Variants in GAS2 observed in about 807,000 individuals in gnomAD.
GAS2 encodes growth arrest specific 2.
In GAS2, 20 loss-of-function variants were observed where a neutral mutation model predicts 37.5. That is an observed-to-expected ratio of 0.53 (90% CI 0.37 to 0.77). The LOEUF is 0.77. Among genes scored for constraint, GAS2 ranks in the 30% least tolerant of loss-of-function variants. The pLI, the probability that GAS2 is intolerant of heterozygous loss-of-function variation, is 0.00. For missense variants in GAS2, 336 were observed against 373.4 expected, an observed-to-expected ratio of 0.90 and a Z score of 0.82; for synonymous variants, 144 against 132.2, an observed-to-expected ratio of 1.09 and a Z score of -0.61.
At chr11:22,752,765 A>C (rs1336233517) in intron 6 of GAS2, among the ~76,000 whole-genome samples, 2 of 152,056 alleles carry the variant, frequency 1.3e-5, no homozygotes, top group African/African-American at 4.8e-5. Context: ...AGTCCAGTGA[A>C]CAGTTTCAGC....
chr11:22,706,517 A>G (rs1320254247), intron 3 of GAS2, among the ~76,000 whole-genome samples: 1 of 150,074 alleles, frequency 6.7e-6, no homozygotes, highest in Non-Finnish European at 1.5e-5. Flanking sequence ...CCGGAGTGTG[A>G]TGTTCCCCTT....
chr11:22,704,588 C>CATAT (rs3049395), intron 3 of GAS2, among the ~76,000 whole-genome samples: 8,890 of 90,162 alleles, frequency 0.099, 484 homozygotes, highest in South Asian at 0.13. Context: ...TGAAAATAAA[C>CATAT]ATATATATAT....
chr11:22,776,559 G>C (rs1191039434), intron 7 of GAS2, among the ~76,000 whole-genome samples: 1 of 152,150 alleles, frequency 6.6e-6, no homozygotes, highest in Non-Finnish European at 1.5e-5. Context: ...AGTGATTAAA[G>C]AGCAAGTTGT....
rs1328190094 is a variant in GAS2 at position 22,789,431 on chromosome 11, T to TAAATATATATATATATATAA, written c.724-22366_724-22365insAATATATATATATATATAAA. Among the ~76,000 whole-genome samples the TAAATATATATATATATATAA allele has an allele frequency of 5.6e-3, 513 of 90,906 alleles. 25 individuals carry two copies. Among genetic ancestry groups the TAAATATATATATATATATAA allele is most frequent in the African/African-American group, 0.02 (492 of 24,032 alleles). The allele number at this position is 90,906 out of a possible 152,430, so 59.6% of individuals were successfully genotyped here. Reference sequence around the variant, plus strand: ...GTGTGTGTATCTCATATGAGATATATATATATATATATATATATATATATT... The same window carrying TAAATATATATATATATATAA: ...GTGTGTGTATCTCATATGAGATATATAAATATATATATATATATAAATATATATATATATATATATATATT... On this transcript the variant is annotated intron_variant, in intron 7 of 7. Transcript: ENST00000454584.
intron 5 of GAS2, among the ~76,000 whole-genome samples, chr11:22,740,414 T>C (rs1430936217): frequency 6.6e-6 from 1 of 152,182 alleles, no homozygotes; most frequent in Non-Finnish European, 1.5e-5. Context: ...AATTTGGCCT[T>C]TTATCTTCTT....
At chr11:22,737,628 G>T in intron 4 of GAS2, 77 bp from the exon 5 acceptor site, 1 of 1,330,486 alleles carries the variant, frequency 7.5e-7, no homozygotes. Flanking sequence ...GAGGAATGAG[G>T]GTCATTGGCA....
intron 1 of GAS2, among the ~76,000 whole-genome samples, chr11:22,671,677 T>C (rs1849205977): frequency 6.6e-6 from 1 of 152,128 alleles, no homozygotes; most frequent in South Asian, 2.1e-4. Flanking sequence ...TTCTTTACGA[T>C]GTAATTCATC....
intron 1 of GAS2, chr11:22,626,796 A>G (rs1858661883): frequency 6.6e-6 from 1 of 152,174 alleles, no homozygotes; most frequent in African/African-American, 2.4e-5. Context: ...AGGGGAAGAG[A>G]AACAAATTTA....
At chr11:22,667,812 A>G (rs1849043408) in intron 1 of GAS2, among the ~76,000 whole-genome samples, 2 of 152,136 alleles carry the variant, frequency 1.3e-5, no homozygotes. Flanking sequence ...TTTCCCAGTT[A>G]ACCTTTTTGA....
At chr11:22,787,948 G>T (rs1328018487) in intron 7 of GAS2, among the ~76,000 whole-genome samples, 1 of 152,156 alleles carries the variant, frequency 6.6e-6, no homozygotes, top group Non-Finnish European at 1.5e-5. Context: ...ATTTTGAATA[G>T]CTGCTGGCTT....
chr11:22,679,746 A>C (rs921625602), intron 2 of GAS2, among the ~76,000 whole-genome samples: 1 of 152,152 alleles, frequency 6.6e-6, no homozygotes, highest in Non-Finnish European at 1.5e-5. Context: ...GTTGTTAAAC[A>C]TGAAATAAAA....
At chr11:22,645,966 C>T (rs1191744470) in intron 1 of GAS2, among the ~76,000 whole-genome samples, 1 of 151,634 alleles carries the variant, frequency 6.6e-6, no homozygotes, top group Non-Finnish European at 1.5e-5. Context: ...GCCTCAGCCT[C>T]CCGAGTAGCT....
chr11:22,790,958 T>G (rs187499322), intron 7 of GAS2, among the ~76,000 whole-genome samples: 64 of 152,116 alleles, frequency 4.2e-4, no homozygotes, highest in African/African-American at 1.5e-3. Flanking sequence ...TAAATGGACA[T>G]CAGAGGAGAA....
At chr11:22,702,539 T>A (rs1204651750) in intron 3 of GAS2, 1 of 152,202 alleles carries the variant, frequency 6.6e-6, no homozygotes, top group Admixed American at 6.5e-5. Context: ...ATAGCTTACT[T>A]TTTATGCCCT....
intron 2 of GAS2, among the ~76,000 whole-genome samples, chr11:22,679,862 T>C (rs974609255): frequency 6.6e-6 from 1 of 152,100 alleles, no homozygotes; most frequent in Non-Finnish European, 1.5e-5. Context: ...TTGTGCTGAA[T>C]TGATTTTACT....
intron 1 of GAS2, among the ~76,000 whole-genome samples, chr11:22,649,059 C>T (rs1182997636): frequency 1.3e-5 from 2 of 152,144 alleles, no homozygotes; most frequent in Non-Finnish European, 2.9e-5. Flanking sequence ...GGGTTTGTCA[C>T]AGATAGCTCC....
intron 2 of GAS2, among the ~76,000 whole-genome samples, chr11:22,683,966 A>G (rs1204430043): frequency 2.0e-5 from 3 of 152,242 alleles, no homozygotes; most frequent in Middle Eastern, 3.2e-3. Context: ...ATTCATGAGT[A>G]TGACATACGG....
rs534307302 is a variant in GAS2, at chr11:22,723,707, G to A, written c.268-2585G>A. The stretch of plus-strand genomic sequence containing the variant: ...TTTGAAGTGGTAGTTTTTTCTGCCC[G>A]CCAGGGATATAGGTGGTAGATCTTA... On this transcript the variant is annotated intron_variant, in intron 3 of 7. Coordinates refer to ENST00000454584, the MANE Select transcript of GAS2 (RefSeq NM_001143830.3). 1.3e-4 allele frequency among the ~76,000 whole-genome samples: 19 copies of A among 151,922 alleles called. 1 individual carries two copies. The South Asian group carries it at 1.7e-3, about 13-fold the overall frequency.
chr11:22,801,324 C>A (rs80216128), intron 7 of GAS2, among the ~76,000 whole-genome samples: 3 of 151,844 alleles, frequency 2.0e-5, no homozygotes. Flanking sequence ...CTACAACTTA[C>A]GAAATTTTCA....
Sources: gnomAD v4.1 joint callset for allele counts (sites outside exome capture counted in the v4.1 genomes callset) on GRCh38, gnomAD v4.1.1 for gene constraint, MANE v1.5 for transcripts, NCBI Gene and HGNC (gene_info 2026-07-23, HGNC 2026-07-21) for gene names.